DRC1: variants seen among roughly 807,000 people sequenced by gnomAD.
DRC1 encodes the protein dynein regulatory complex protein 1.
DRC1 carries 74 observed loss-of-function variants against 98.7 expected under a neutral mutation model. That is an observed-to-expected ratio of 0.75 (90% CI 0.62 to 0.91). The LOEUF is 0.91. Among genes scored for constraint, DRC1 ranks in the 40% least tolerant of loss-of-function variants. The pLI is 0.00. For missense variants in DRC1, 875 were observed against 886.0 expected, an observed-to-expected ratio of 0.99 and a Z score of 0.16; for synonymous variants, 336 against 334.1, an observed-to-expected ratio of 1.01 and a Z score of -0.06.
intron 1 of DRC1, 103 bp from the exon 2 acceptor site, chr2:26,414,241 T>C: frequency 8.6e-7 from 1 of 1,158,752 alleles, no homozygotes; most frequent in Non-Finnish European, 1.2e-6. Flanking sequence ...TCTCCCAAAC[T>C]GTTGGGATTA....
intron 4 of DRC1, 38 bp from the exon 5 acceptor site, chr2:26,429,590 C>A: frequency 1.2e-6 from 2 of 1,607,568 alleles, no homozygotes; most frequent in Non-Finnish European, 8.5e-7. Context: ...CTGCTCCTGA[C>A]ACAGTTTGTG....
At chr2:26,406,930 C>T (rs375788906) in intron 1 of DRC1, among the ~76,000 whole-genome samples, 141 of 151,510 alleles carry the variant, frequency 9.3e-4, no homozygotes, top group South Asian at 1.7e-3. Flanking sequence ...TGATCCCCCC[C>T]ACCCCAGCCT....
At chr2:26,405,248 A>C (rs1042292633) in intron 1 of DRC1, among the ~76,000 whole-genome samples, 2 of 152,162 alleles carry the variant, frequency 1.3e-5, no homozygotes, top group Non-Finnish European at 2.9e-5. Context: ...GTTTTGCACC[A>C]AATGATGCCA....
chr2:26,430,907 GGTCTGGGTGATTTTTATTGT>G, intron 6 of DRC1, 35 bp downstream of exon 6: 1 of 1,569,092 alleles, frequency 6.4e-7, no homozygotes, highest in African/African-American at 1.4e-5. Context: ...TGATCCGTGG[GGTCTGGGTGATTTTTATTGT>G]GACTGAATTT....
chr2:26,416,910 G>A (rs1009769973), intron 2 of DRC1, among the ~76,000 whole-genome samples: 3 of 152,178 alleles, frequency 2.0e-5, no homozygotes, highest in Admixed American at 2.0e-4. Flanking sequence ...TTCTGAGGAG[G>A]CCTCAGGAAG....
chr2:26,438,087 CA>C (rs61571007), intron 7 of DRC1, among the ~76,000 whole-genome samples: 1,459 of 50,128 alleles, frequency 0.029, 11 homozygotes, highest in African/African-American at 0.065. Context: ...GACTCTATCT[CA>C]AAAAAAAAAA....
chr2:26,411,795 TAA>T (rs200302831), intron 1 of DRC1, among the ~76,000 whole-genome samples: 2 of 144,934 alleles, frequency 1.4e-5, no homozygotes, highest in African/African-American at 2.5e-5. Flanking sequence ...GACTCTGTCT[TAA>T]AAAAAAAAAA....
chr2:26,453,473 C>T lies in DRC1; in HGVS notation c.1843C>T (p.Pro615Ser), dbSNP rs1297235690. Residue 615 changes from proline (P) to serine (S), a missense_variant, in exon 14 of 17, where the codon CCC becomes TCC. Coordinates refer to ENST00000288710, the MANE Select transcript of DRC1 (RefSeq NM_145038.5). ...GAAGGAGGAAGAGGAGGAGACCCCA[C>T]CCTCCCCCTGGGTCATCCACCCCAA... ...GEKEEEEETPPSPWVIHPNDV... is the reference protein window; with the variant it reads ...GEKEEEEETPSSPWVIHPNDV... The T allele has an allele frequency of 1.2e-6, 2 of 1,614,082 alleles. No individual in the cohort carries two copies. Among genetic ancestry groups the T allele is most frequent in the East Asian group, 2.2e-5 (1 of 44,884 alleles).
Position 26,456,526 on chromosome 2 carries a change from G to A in DRC1, c.*9G>A, listed in dbSNP as rs1054737. On this transcript the variant is annotated 3_prime_UTR_variant, in exon 17 of 17. Coordinates refer to ENST00000288710, the MANE Select transcript of DRC1 (RefSeq NM_145038.5). ...GGGTACCCACAAAATGAGCTGGACC[G>A]CCAAAGGCTGATGTGTTAGGGCTGG... 98,784 of 1,613,910 alleles carry A rather than the reference G, an allele frequency of 0.061. 3,534 individuals carry two copies. Among genetic ancestry groups the A allele is most frequent in the Non-Finnish European group, 0.072 (85,277 of 1,179,806 alleles).
At chr2:26,406,992 G>T (rs1678451493) in intron 1 of DRC1, among the ~76,000 whole-genome samples, 1 of 151,466 alleles carries the variant, frequency 6.6e-6, no homozygotes, top group South Asian at 2.1e-4. Context: ...CTAATTTTTT[G>T]TATTTTTGGT....
rs751715818 is a variant in DRC1 at position 26,453,522 on chromosome 2, C to G, written c.1892C>G (p.Ala631Gly). Residue 631 changes from alanine (A) to glycine (G), a missense_variant, in exon 14 of 17, where the codon GCC (alanine) becomes GGC (glycine). Ala to Gly is a moderately conservative substitution (Grantham distance 60). Transcript: ENST00000288710. Reference protein sequence around the residue: ...HPNDVLKILEAFVMGLKKPRD... With the variant: ...HPNDVLKILEGFVMGLKKPRD... ...AATGATGTCCTCAAGATTCTGGAGG[C>G]CTTCGTCATGGGTCTGAAGAAGCCT... 1 of 1,614,172 alleles carries G rather than the reference C, an allele frequency of 6.2e-7. No individual in the cohort carries two copies. Among genetic ancestry groups the G allele is most frequent in the Admixed American group, 1.7e-5 (1 of 60,028 alleles).
chr2:26,431,692 A>T (rs1663439753), intron 6 of DRC1, among the ~76,000 whole-genome samples, 192 bp from the exon 7 acceptor site: 1 of 152,022 alleles, frequency 6.6e-6, no homozygotes, highest in African/African-American at 2.4e-5. Flanking sequence ...TTCTGGAGTA[A>T]TGACCGCATT....
At position 26,448,255 on chromosome 2, in the gene DRC1, G is replaced by A. The variant is rs1347117529; in HGVS notation, c.1397-436G>A. 3 of 419,652 alleles carry A rather than the reference G, an allele frequency of 7.1e-6. No individual in the cohort carries two copies. In the East Asian group the frequency reaches 2.2e-4, roughly 30 times the overall value. 26.0% of individuals were successfully genotyped at this position (419,652 alleles called of 1,614,324 possible). ...AAAAAAAAAAAAATTATCTGTGAAT[G>A]TGCAAAGCCACCTGCCCCTGCTTTG... On this transcript the variant is annotated intron_variant, in intron 10 of 16. Transcript: ENST00000288710.
intron 1 of DRC1, among the ~76,000 whole-genome samples, chr2:26,407,888 C>T (rs947994728): frequency 6.6e-6 from 1 of 152,188 alleles, no homozygotes; most frequent in East Asian, 1.9e-4. Flanking sequence ...GTTGTATGTT[C>T]CGTGCACATG....
At chr2:26,404,548 C>A (rs113577982) in intron 1 of DRC1, among the ~76,000 whole-genome samples, 22 of 152,268 alleles carry the variant, frequency 1.4e-4, no homozygotes, top group African/African-American at 5.1e-4. Flanking sequence ...TCTGCAGGTG[C>A]CAGACCCATG....
chr2:26,440,879 C>T (rs1001104663), intron 8 of DRC1, among the ~76,000 whole-genome samples: 1 of 152,176 alleles, frequency 6.6e-6, no homozygotes, highest in Admixed American at 6.5e-5. Context: ...GCCTTTCCAT[C>T]CCAGTTCATA....
chr2:26,426,786 C>T (rs1663296730), intron 4 of DRC1, among the ~76,000 whole-genome samples: 1 of 152,098 alleles, frequency 6.6e-6, no homozygotes, highest in Admixed American at 6.6e-5. Flanking sequence ...GATGGTTTTC[C>T]TATTTCCACA....
intron 2 of DRC1, among the ~76,000 whole-genome samples, chr2:26,417,185 G>A (rs971040316): frequency 2.6e-5 from 4 of 152,126 alleles, no homozygotes; most frequent in East Asian, 1.9e-4. Flanking sequence ...ACAAAAGATC[G>A]AAACTATATC....
chr2:26,421,457 G>A, intron 3 of DRC1, 57 bp downstream of exon 3: 1 of 1,473,058 alleles, frequency 6.8e-7, no homozygotes, highest in African/African-American at 1.4e-5. Context: ...CATGGGTCCG[G>A]CAGTTCTCCC....
Sources: gnomAD v4.1 joint callset for allele counts (sites outside exome capture counted in the v4.1 genomes callset) on GRCh38, gnomAD v4.1.1 for gene constraint, MANE v1.5 for transcripts, NCBI Gene and HGNC (gene_info 2026-07-23, HGNC 2026-07-21) for gene names.